The following MX2 variants were observed in gnomAD, a reference collection of about 807,000 sequenced individuals.
MX2 encodes interferon-induced GTP-binding protein Mx2.
In MX2, 51 loss-of-function variants were observed where a neutral mutation model predicts 74.0. That is an observed-to-expected ratio of 0.69 (90% CI 0.55 to 0.87). MX2 has a LOEUF of 0.87. Among genes scored for constraint, MX2 ranks in the 40% least tolerant of loss-of-function variants. MX2 has a pLI of 0.00. For missense variants in MX2, 832 were observed against 908.7 expected (o/e 0.92, Z 1.09); for synonymous variants, 369 against 339.3 (o/e 1.09, Z -0.96).
intron 5 of MX2, among the ~76,000 whole-genome samples, chr21:41,386,087 G>T (rs1437430860): frequency 1.3e-5 from 2 of 151,854 alleles, no homozygotes; most frequent in Non-Finnish European, 2.9e-5. Context: ...GATCACCTGA[G>T]GTCAGGAGTT....
intron 1 of MX2, among the ~76,000 whole-genome samples, chr21:41,369,117 A>C: frequency 6.6e-6 from 1 of 152,238 alleles, no homozygotes; most frequent in Non-Finnish European, 1.5e-5. Flanking sequence ...CAAGGATTTC[A>C]CATCAGAAAA....
intron 1 of MX2, among the ~76,000 whole-genome samples, chr21:41,375,742 C>CA (rs920486942): frequency 1.1e-4 from 16 of 150,952 alleles, no homozygotes; most frequent in Non-Finnish European, 1.5e-4. Flanking sequence ...AGTCTTTTTC[C>CA]AAAAAAAAAG....
chr21:41,377,074 T>C lies in MX2; in HGVS notation c.168T>C (p.Ala56=). The C allele has an allele frequency of 6.2e-7, 1 of 1,614,202 alleles. No homozygotes were observed. Among genetic ancestry groups the C allele is most frequent in the Non-Finnish European group, 8.5e-7 (1 of 1,180,030 alleles). The part of the protein sequence containing the change: ...PPNWQGAEKD[A]AFLAKDFNFL... Reference sequence around the variant, plus strand: ...ACTGGCAGGGGGCAGAGAAGGACGCTGCTTTCCTCGCCAAGGACTTCAACT... The same window carrying C: ...ACTGGCAGGGGGCAGAGAAGGACGCCGCTTTCCTCGCCAAGGACTTCAACT... Residue 56 remains alanine (A), a synonymous_variant, in exon 2 of 14, where the codon GCT becomes GCC. Coordinates refer to ENST00000330714, the MANE Select transcript of MX2 (RefSeq NM_002463.2).
intron 13 of MX2, among the ~76,000 whole-genome samples, chr21:41,407,663 T>C (rs1032506246): frequency 1.3e-5 from 2 of 152,170 alleles, no homozygotes; most frequent in Admixed American, 1.3e-4. Context: ...ACGGCCCTGG[T>C]GCATACCCAG....
chr21:41,374,978 T>C (rs1433492481), intron 1 of MX2, among the ~76,000 whole-genome samples: 1 of 152,170 alleles, frequency 6.6e-6, no homozygotes, highest in Non-Finnish European at 1.5e-5. Context: ...GCAAGCCTTT[T>C]TCCTCCCTCT....
chr21:41,390,606 G>C lies in MX2; in HGVS notation c.774G>C (p.Thr258=). The C allele has an allele frequency of 6.2e-7, 1 of 1,614,208 alleles. No individual in the cohort carries two copies. The highest frequency in any genetic ancestry group is 1.1e-5 in the South Asian group (1 of 91,082). The change falls in exon 6 of 14, where the codon ACG becomes ACC. Residue 258 remains threonine (T), a synonymous_variant. Coordinates refer to ENST00000330714, the MANE Select transcript of MX2 (RefSeq NM_002463.2). Reference sequence around the variant, plus strand: ...AGAAGTACATCCAGAGGCAGCAGACGATCAACTTGGTGGTGGTTCCCTGTA... The same window carrying C: ...AGAAGTACATCCAGAGGCAGCAGACCATCAACTTGGTGGTGGTTCCCTGTA... ...LIKKYIQRQQ[T]INLVVVPCNV...
intron 1 of MX2, among the ~76,000 whole-genome samples, chr21:41,372,637 G>A (rs952501683): frequency 8.5e-5 from 13 of 152,150 alleles, no homozygotes; most frequent in Admixed American, 5.2e-4. Context: ...ATATTGGGTA[G>A]CTTCTAATAA....
At position 41,377,796 on chromosome 21, in the gene MX2, A is replaced by C; in HGVS notation, c.257A>C (p.Glu86Ala). 1.2e-6 allele frequency: 2 copies of C among 1,609,802 alleles called. No individual in the cohort carries two copies. The highest frequency in any genetic ancestry group is 1.7e-6 in the Non-Finnish European group (2 of 1,176,458). Residue 86 changes from glutamate (E) to alanine (A), a missense_variant, in exon 3 of 14, where the codon GAG becomes GCG. Glu to Ala is a moderately radical substitution (Grantham distance 107). Coordinates refer to ENST00000330714, the MANE Select transcript of MX2 (RefSeq NM_002463.2). Reference sequence around the variant, plus strand: ...CTGTTCTGCCTTCTCCAGGGGCCCGAGAACAACCTGTACAGCCAGTACGAG... The same window carrying C: ...CTGTTCTGCCTTCTCCAGGGGCCCGCGAACAACCTGTACAGCCAGTACGAG... ...NRSQPRAMGP[E>A]NNLYSQYEQK...
chr21:41,394,431 G>A (rs73905352), intron 6 of MX2, among the ~76,000 whole-genome samples: 3,149 of 152,172 alleles, frequency 0.021, 93 homozygotes, highest in African/African-American at 0.071. Flanking sequence ...TCTGAGAGCG[G>A]ACCTCCCTGT....
At chr21:41,377,428 G>A (rs2089421101) in intron 2 of MX2, among the ~76,000 whole-genome samples, 1 of 152,080 alleles carries the variant, frequency 6.6e-6, no homozygotes, top group South Asian at 2.1e-4. Context: ...CCATCACATT[G>A]CCAGCCCACC....
At chr21:41,381,201 T>C (rs2838032) in intron 4 of MX2, among the ~76,000 whole-genome samples, 15,342 of 152,214 alleles carry the variant, frequency 0.1, 1,479 homozygotes, top group African/African-American at 0.25. Context: ...TAACTTCAAA[T>C]TGCAAAAGGT....
At chr21:41,403,106 C>G in intron 11 of MX2, 161 bp from the exon 12 acceptor site, 1 of 601,084 alleles carries the variant, frequency 1.7e-6, no homozygotes, top group Non-Finnish European at 3.0e-6. Context: ...GGAATGATGT[C>G]CCACCCTCTC....
At chr21:41,382,835 T>G (rs1195739165) in intron 5 of MX2, among the ~76,000 whole-genome samples, 1 of 152,222 alleles carries the variant, frequency 6.6e-6, no homozygotes, top group South Asian at 2.1e-4. Flanking sequence ...CCCGGTGTGA[T>G]CAGTTGTGAT....
intron 7 of MX2, among the ~76,000 whole-genome samples, chr21:41,396,623 G>A (rs187957329): frequency 6.6e-5 from 10 of 152,232 alleles, no homozygotes; most frequent in East Asian, 3.9e-4. Flanking sequence ...TTAGGATTAC[G>A]TAACACGACA....
intron 5 of MX2, among the ~76,000 whole-genome samples, chr21:41,385,388 T>C (rs924256209): frequency 6.6e-6 from 1 of 152,240 alleles, no homozygotes; most frequent in Non-Finnish European, 1.5e-5. Flanking sequence ...TTGAATCATG[T>C]GGGCAGGTCT....
intron 6 of MX2, among the ~76,000 whole-genome samples, chr21:41,391,501 G>C (rs566464364): frequency 1.3e-5 from 2 of 151,494 alleles, no homozygotes; most frequent in African/African-American, 4.9e-5. Context: ...TCCTGCCTCA[G>C]CCTCCCAAGT....
chr21:41,370,158 A>G (rs573204128), intron 1 of MX2: 1 of 152,380 alleles, frequency 6.6e-6, no homozygotes, highest in East Asian at 1.9e-4. Context: ...CATTCCACCC[A>G]GAGCAAGGGA....
intron 6 of MX2, among the ~76,000 whole-genome samples, chr21:41,391,937 A>G (rs1351636725): frequency 2.0e-5 from 3 of 152,138 alleles, no homozygotes; most frequent in Non-Finnish European, 4.4e-5. Flanking sequence ...TCACCCAGGT[A>G]TCAAGCCTAG....
At chr21:41,395,155 G>A (rs190785310) in intron 6 of MX2, among the ~76,000 whole-genome samples, 5 of 152,106 alleles carry the variant, frequency 3.3e-5, no homozygotes, top group Non-Finnish European at 5.9e-5. Context: ...AGAGGAGGGG[G>A]AGAGGAAAGT....
Sources: allele counts gnomAD v4.1 joint callset (sites outside exome capture counted in the v4.1 genomes callset), GRCh38; gene constraint gnomAD v4.1.1; transcripts MANE v1.5; gene names NCBI Gene and HGNC (gene_info 2026-07-23, HGNC 2026-07-21).